Variants in ACACA observed in about 807,000 individuals in gnomAD.
The protein encoded by ACACA is acetyl-CoA carboxylase 1.
Under a neutral mutation model 296.1 loss-of-function variants are expected in ACACA, and 103 were observed. The ratio of observed to expected loss-of-function variants is 0.35; its 90% CI spans 0.30 to 0.41. ACACA has a LOEUF of 0.41. Ranked by LOEUF, ACACA falls within the 10% of genes least tolerant of loss-of-function variation. ACACA has a pLI of 1.00. For synonymous variants in ACACA, 953 were observed against 1,038.6 expected (o/e 0.92, Z 1.58); for missense variants, 1,554 against 2,989.7 (o/e 0.52, Z 11.20).
intron 25 of ACACA, among the ~76,000 whole-genome samples, chr17:37,228,914 A>C (rs996353526): frequency 4.6e-5 from 7 of 151,962 alleles, no homozygotes; most frequent in Admixed American, 4.6e-4. Flanking sequence ...GAGGCCGAGG[A>C]GGGCGGATCA....
At chr17:37,371,913 G>A (rs892900095) in intron 1 of ACACA, among the ~76,000 whole-genome samples, 8 of 151,336 alleles carry the variant, frequency 5.3e-5, no homozygotes, top group African/African-American at 1.9e-4. Flanking sequence ...AAAAAATAAA[G>A]GAAAAGAAAT....
intron 54 of ACACA, among the ~76,000 whole-genome samples, chr17:37,091,621 C>T (rs2072639032): frequency 6.6e-6 from 1 of 152,074 alleles, no homozygotes; most frequent in African/African-American, 2.4e-5. Context: ...CTCCTGTTGC[C>T]CAGGCTGGAG....
chr17:37,402,070 A>G (rs1159936046), intron 1 of ACACA, among the ~76,000 whole-genome samples: 2 of 152,350 alleles, frequency 1.3e-5, no homozygotes, highest in East Asian at 3.9e-4. Context: ...CTGAAGGTCA[A>G]TCTTCAAAAA....
At chr17:37,175,805 T>C (rs147876222) in intron 41 of ACACA, among the ~76,000 whole-genome samples, 3 of 152,194 alleles carry the variant, frequency 2.0e-5, no homozygotes, top group Non-Finnish European at 2.9e-5. Context: ...AAAAATGTGT[T>C]CTCCTATACC....
At chr17:37,359,973 C>T (rs2049339925) in intron 1 of ACACA, among the ~76,000 whole-genome samples, 1 of 152,058 alleles carries the variant, frequency 6.6e-6, no homozygotes, top group South Asian at 2.1e-4. Context: ...AAATAGTTGC[C>T]ACAGCGTTCC....
intron 3 of ACACA, among the ~76,000 whole-genome samples, chr17:37,300,627 T>C (rs1287878854): frequency 6.6e-6 from 1 of 152,120 alleles, no homozygotes; most frequent in Non-Finnish European, 1.5e-5. Context: ...AGATAGAAGT[T>C]AAATAATCAG....
intron 1 of ACACA, among the ~76,000 whole-genome samples, chr17:37,348,437 A>G (rs1284054930): frequency 3.3e-5 from 5 of 152,152 alleles, no homozygotes; most frequent in African/African-American, 1.2e-4. Context: ...CCTGAGAGAA[A>G]AAAGTTCACA....
At chr17:37,275,824 G>T (rs1275998815) in intron 8 of ACACA, 127 bp downstream of exon 8, 9 of 826,824 alleles carry the variant, frequency 1.1e-5, no homozygotes, top group East Asian at 2.4e-5. Flanking sequence ...GAGCTACAAG[G>T]TACCATTAAT....
intron 27 of ACACA, 21 bp downstream of exon 27, chr17:37,224,971 T>C (rs766321574): frequency 4.7e-6 from 4 of 845,838 alleles, no homozygotes; most frequent in South Asian, 4.8e-5. Flanking sequence ...AAGGGTTATA[T>C]ATATATATAT....
At chr17:37,128,092 T>C (rs2074909467) in intron 47 of ACACA, among the ~76,000 whole-genome samples, 1 of 138,932 alleles carries the variant, frequency 7.2e-6, no homozygotes, top group South Asian at 2.3e-4. Context: ...TTTCCAGGCA[T>C]GTAAAGAAAA....
Position 37,130,478 on chromosome 17 carries a change from G to A in ACACA, c.5680-260C>T, listed in dbSNP as rs534582344. Among the ~76,000 whole-genome samples, 8 of 152,080 alleles carry A rather than the reference G, an allele frequency of 5.3e-5. No individual in the cohort carries two copies. In the East Asian group the frequency reaches 1.4e-3, roughly 26 times the overall value. On this transcript the variant is annotated intron_variant, in intron 45 of 55. Transcript: ENST00000616317. The stretch of plus-strand genomic sequence containing the variant: ...GGAGATATACCTAATGCTAAATGAC[G>A]AGTTAATGGGTGCAGCACACCAACG...
chr17:37,406,158 T>C, intron 1 of ACACA, 104 bp downstream of exon 1: 1 of 1,314,078 alleles, frequency 7.6e-7, no homozygotes, highest in Non-Finnish European at 1.1e-6. Flanking sequence ...TGAGACCGTA[T>C]GTGTAACCTG....
intron 1 of ACACA, among the ~76,000 whole-genome samples, chr17:37,377,311 C>T (rs1232513952): frequency 6.6e-6 from 1 of 152,098 alleles, no homozygotes; most frequent in African/African-American, 2.4e-5. Context: ...TAGATTGGTA[C>T]ACAGTATTCT....
In ACACA at chr17:37,207,742, C is replaced by T; in HGVS notation, c.3766G>A (p.Asp1256Asn). 6.2e-7 allele frequency: 1 copy of T among 1,613,966 alleles called. No homozygotes were observed. The highest frequency in any genetic ancestry group is 8.5e-7 in the Non-Finnish European group (1 of 1,179,880). The change falls in exon 31 of 56, where the codon GAT (aspartate) becomes AAT (asparagine). Residue 1256 changes from aspartate (D) to asparagine (N), a missense_variant. By Grantham distance (23) the Asp-to-Asn change is conservative (BLOSUM62 1). Around this residue, in one of 16 missense-constraint regions of ACACA, gnomAD observed 179 missense variants for 283.2 expected, o/e 0.63. Coordinates refer to ENST00000616317, the MANE Select transcript of ACACA (RefSeq NM_198834.3). ...YGMTHVASVS[D>N]VLLDNSFTPP... is the part of the protein sequence containing the mutation. ...GTGAATGAGTTGTCCAACAGTACATCGCTGACACTAGCTACATGGGTCATG... is the reference window on the plus strand; with the variant it reads ...GTGAATGAGTTGTCCAACAGTACATTGCTGACACTAGCTACATGGGTCATG...
chr17:37,179,830 C>T (rs1337295820), intron 40 of ACACA, among the ~76,000 whole-genome samples: 1 of 152,092 alleles, frequency 6.6e-6, no homozygotes, highest in Admixed American at 6.5e-5. Flanking sequence ...CCAAGAAGGC[C>T]AGAATGAAGC....
At chr17:37,236,513 C>T (rs1214800119) in intron 24 of ACACA, among the ~76,000 whole-genome samples, 2 of 151,258 alleles carry the variant, frequency 1.3e-5, no homozygotes, top group Non-Finnish European at 2.9e-5. Context: ...TCCTGCATAC[C>T]AAGACACTCT....
intron 52 of ACACA, among the ~76,000 whole-genome samples, chr17:37,108,765 G>A (rs1260952427): frequency 2.0e-5 from 3 of 152,198 alleles, no homozygotes; most frequent in Non-Finnish European, 4.4e-5. Flanking sequence ...CCCCAGTAAA[G>A]AGGCAGATTT....
intron 25 of ACACA, among the ~76,000 whole-genome samples, chr17:37,227,458 C>G (rs1209672753): frequency 6.6e-6 from 1 of 152,002 alleles, no homozygotes; most frequent in Non-Finnish European, 1.5e-5. Flanking sequence ...ACACCTGTAA[C>G]CCCAGCATTT....
intron 11 of ACACA, among the ~76,000 whole-genome samples, chr17:37,260,285 TA>T (rs2081429292): frequency 0.012 from 389 of 32,972 alleles, 5 homozygotes; most frequent in Non-Finnish European, 0.015. Flanking sequence ...TATATATATA[TA>T]TATATATATA....
Sources: allele counts gnomAD v4.1 joint callset (sites outside exome capture counted in the v4.1 genomes callset), GRCh38; gene constraint gnomAD v4.1.1; regional missense constraint gnomAD v4.1.1; transcripts MANE v1.5; gene names NCBI Gene and HGNC (gene_info 2026-07-23, HGNC 2026-07-21).